PALLD: variants seen among roughly 807,000 people sequenced by gnomAD.
PALLD encodes palladin.
Under a neutral mutation model 123.5 loss-of-function variants are expected in PALLD, and 61 were observed. That is an observed-to-expected ratio of 0.49 (90% CI 0.40 to 0.61). The LOEUF (loss-of-function observed/expected upper bound fraction) is 0.61. Among genes scored for constraint, PALLD ranks in the 20% least tolerant of loss-of-function variants. The pLI, the probability that PALLD is intolerant of heterozygous loss-of-function variation, is 0.00. For missense variants in PALLD, 1,273 were observed against 1,377.0 expected (o/e 0.92, Z 1.20); for synonymous variants, 465 against 496.4 (o/e 0.94, Z 0.84).
intron 10 of PALLD, among the ~76,000 whole-genome samples, chr4:168,889,462 C>A (rs2151186005): frequency 6.6e-6 from 1 of 152,188 alleles, no homozygotes; most frequent in Admixed American, 6.5e-5. Flanking sequence ...CCACACCCGG[C>A]CTGCAGTCAA....
At chr4:168,878,691 G>A (rs973295041) in intron 10 of PALLD, among the ~76,000 whole-genome samples, 1 of 149,648 alleles carries the variant, frequency 6.7e-6, no homozygotes, top group Non-Finnish European at 1.5e-5. Context: ...ATGGGGGGGG[G>A]GGTGCTTAGC....
chr4:168,759,924 C>G (rs906593517), intron 10 of PALLD, among the ~76,000 whole-genome samples: 1 of 151,792 alleles, frequency 6.6e-6, no homozygotes, highest in Non-Finnish European at 1.5e-5. Context: ...GGTGGTGGCT[C>G]ACGCCTGTAA....
At chr4:168,886,207 T>A (rs1222121605) in intron 10 of PALLD, among the ~76,000 whole-genome samples, 1 of 152,204 alleles carries the variant, frequency 6.6e-6, no homozygotes, top group East Asian at 1.9e-4. Flanking sequence ...TTCCATGATG[T>A]CATCAGGCAT....
intron 3 of PALLD, among the ~76,000 whole-genome samples, chr4:168,673,322 A>G (rs1780483226): frequency 1.3e-5 from 2 of 152,356 alleles, no homozygotes; most frequent in South Asian, 4.1e-4. Context: ...AAGAGATGAC[A>G]TTTGGTCTCC....
chr4:168,581,629 A>G (rs4692667), intron 2 of PALLD, among the ~76,000 whole-genome samples: 84,600 of 151,786 alleles, frequency 0.56, 24,004 homozygotes, highest in East Asian at 0.9. Flanking sequence ...AGTAAACTCA[A>G]CTGAATTAAG....
chr4:168,531,642 G>T (rs1375597290), intron 2 of PALLD, among the ~76,000 whole-genome samples: 1 of 152,168 alleles, frequency 6.6e-6, no homozygotes, highest in African/African-American at 2.4e-5. Flanking sequence ...CATGCTTAAG[G>T]AATACTCAGT....
rs555588383 is a variant in PALLD at position 168,655,293 on chromosome 4, C to T, written c.909-12897C>T. Among the ~76,000 whole-genome samples, 15 of 152,296 alleles carry T rather than the reference C, an allele frequency of 9.8e-5. No individual in the cohort carries two copies. In the South Asian group the frequency reaches 2.5e-3, roughly 25 times the overall value. On this transcript the variant is annotated intron_variant, in intron 2 of 21. Transcript: ENST00000505667. ...TTGAAAGGAGTTAGCTGGGAAAACC[C>T]TTGAAAAAGAAAGTGAATCCATTTC... is the stretch of plus-strand genomic sequence containing the variant.
At chr4:168,784,341 G>C (rs1736377013) in intron 10 of PALLD, among the ~76,000 whole-genome samples, 1 of 152,124 alleles carries the variant, frequency 6.6e-6, no homozygotes, top group Non-Finnish European at 1.5e-5. Context: ...AAAAAAAAGA[G>C]AGAGAGAGAG....
chr4:168,884,175 A>T (rs914009913), intron 10 of PALLD, among the ~76,000 whole-genome samples: 1 of 151,744 alleles, frequency 6.6e-6, no homozygotes, highest in Non-Finnish European at 1.5e-5. Context: ...CTTTCAAAAT[A>T]CTCCACTTTT....
intron 2 of PALLD, among the ~76,000 whole-genome samples, chr4:168,520,273 C>G (rs1204523841): frequency 6.8e-6 from 1 of 146,672 alleles, no homozygotes; most frequent in East Asian, 2.0e-4. Flanking sequence ...TTACAGTGAG[C>G]CAAGATGGCG....
intron 3 of PALLD, chr4:168,678,098 G>A (rs1049890942): frequency 2.0e-5 from 3 of 152,138 alleles, no homozygotes; most frequent in Admixed American, 6.6e-5. Flanking sequence ...ACTCACACGC[G>A]CGCACCTCAT....
Position 168,927,520 on chromosome 4 carries a change from T to C in PALLD, c.*1340T>C. 1 of 231,756 alleles carries C rather than the reference T, an allele frequency of 4.3e-6. No homozygotes were observed. The highest frequency in any genetic ancestry group is 8.5e-6 in the Non-Finnish European group (1 of 117,048). 14.4% of individuals were successfully genotyped at this position (231,756 alleles called of 1,614,324 possible). ...ACTGCATGGTGGCATAAATGAGAAA[T>C]TGCCTGTAGCATCTAGTCTACTTGA... On this transcript the variant is annotated 3_prime_UTR_variant, in exon 22 of 22. Coordinates refer to ENST00000505667, the MANE Select transcript of PALLD (RefSeq NM_001166108.2).
intron 10 of PALLD, among the ~76,000 whole-genome samples, chr4:168,755,598 C>A (rs1731743255): frequency 6.6e-6 from 1 of 152,056 alleles, no homozygotes; most frequent in African/African-American, 2.4e-5. Context: ...TGATGAGAAG[C>A]CACAAGAAAA....
chr4:168,569,908 G>C (rs1023544975), intron 2 of PALLD, among the ~76,000 whole-genome samples: 2 of 152,134 alleles, frequency 1.3e-5, no homozygotes, highest in Non-Finnish European at 2.9e-5. Flanking sequence ...GTGTCTCTTT[G>C]CAATTCTAGA....
intron 2 of PALLD, among the ~76,000 whole-genome samples, chr4:168,636,390 C>T (rs1341719618): frequency 6.6e-6 from 1 of 152,124 alleles, no homozygotes; most frequent in East Asian, 1.9e-4. Context: ...GAGGCAGAGG[C>T]GAGAAGATCG....
chr4:168,870,774 G>A (rs1750967281), intron 10 of PALLD, among the ~76,000 whole-genome samples: 2 of 152,206 alleles, frequency 1.3e-5, no homozygotes, highest in South Asian at 4.1e-4. Context: ...GAACGTGGCA[G>A]AGCAGGAGCC....
At chr4:168,760,463 A>G (rs562076877) in intron 10 of PALLD, among the ~76,000 whole-genome samples, 11 of 152,186 alleles carry the variant, frequency 7.2e-5, no homozygotes, top group Admixed American at 1.3e-4. Flanking sequence ...CCTCAAATCT[A>G]TGAGGTTTCT....
In PALLD at chr4:168,918,568, T is replaced by C. The variant is rs895954780; in HGVS notation, c.2850+2541T>C. 7.2e-5 allele frequency among the ~76,000 whole-genome samples: 11 copies of C among 152,262 alleles called. No individual in the cohort carries two copies. The East Asian group carries it at 2.1e-3, about 29-fold the overall frequency. ...AGTTGGGGAAATGTTAGTCAAAGCA[T>C]ATAAAATTTCAGACAGGAAGAATAA... On this transcript the variant is annotated intron_variant, in intron 17 of 21. Transcript: ENST00000505667.
chr4:168,679,330 T>C (rs1781277383), intron 3 of PALLD, among the ~76,000 whole-genome samples: 1 of 67,574 alleles, frequency 1.5e-5, no homozygotes, highest in Non-Finnish European at 2.8e-5. Context: ...GTGGGGGGTA[T>C]ATGTGTGTGG....
Sources: gnomAD v4.1 joint callset for allele counts (sites outside exome capture counted in the v4.1 genomes callset) on GRCh38, gnomAD v4.1.1 for gene constraint, MANE v1.5 for transcripts, NCBI Gene and HGNC (gene_info 2026-07-23, HGNC 2026-07-21) for gene names.